Variants in NRXN1 observed in about 807,000 individuals in gnomAD.
The protein encoded by NRXN1 is neurexin 1, also known as neurexin-1.
A neutral mutation model predicts 150.9 loss-of-function variants in NRXN1; 39 were observed. That is an observed-to-expected ratio of 0.26 (90% CI 0.20 to 0.34). The LOEUF (loss-of-function observed/expected upper bound fraction) is 0.34. Among genes scored for constraint, NRXN1 ranks in the 10% least tolerant of loss-of-function variants. The pLI, the probability that NRXN1 is intolerant of heterozygous loss-of-function variation, is 1.00. For synonymous variants in NRXN1, 924 were observed against 757.0 expected, an observed-to-expected ratio of 1.22 and a Z score of -3.62; for missense variants, 1,815 against 1,949.9, an observed-to-expected ratio of 0.93 and a Z score of 1.30.
chr2:50,258,825 T>C (rs1239021506), intron 17 of NRXN1, among the ~76,000 whole-genome samples: 1 of 152,050 alleles, frequency 6.6e-6, no homozygotes, highest in Non-Finnish European at 1.5e-5. Context: ...GATAAAATTA[T>C]ATTAATCCCC....
intron 2 of NRXN1, among the ~76,000 whole-genome samples, chr2:50,935,160 CTTA>C (rs1246320759): frequency 6.6e-6 from 1 of 152,154 alleles, no homozygotes; most frequent in East Asian, 1.9e-4. Context: ...ATCCTACTAT[CTTA>C]TATAATGTAT....
At chr2:50,609,193 T>C (rs1276994362) in intron 8 of NRXN1, among the ~76,000 whole-genome samples, 1 of 152,160 alleles carries the variant, frequency 6.6e-6, no homozygotes, top group Non-Finnish European at 1.5e-5. Flanking sequence ...AAACAACTTT[T>C]AATATGAGAC....
chr2:50,436,994 T>C (rs2085505010), intron 17 of NRXN1, among the ~76,000 whole-genome samples: 1 of 152,158 alleles, frequency 6.6e-6, no homozygotes, highest in Non-Finnish European at 1.5e-5. Context: ...GCAAATTATT[T>C]ACTGCAGGTA....
chr2:50,820,762 C>T (rs1463744644), intron 5 of NRXN1, among the ~76,000 whole-genome samples: 2 of 151,996 alleles, frequency 1.3e-5, no homozygotes, highest in Non-Finnish European at 2.9e-5. Context: ...TTCCAGTTTC[C>T]AGATGTCGCC....
At chr2:50,931,269 T>G (rs1298489521) in intron 2 of NRXN1, among the ~76,000 whole-genome samples, 2 of 152,072 alleles carry the variant, frequency 1.3e-5, no homozygotes, top group African/African-American at 4.8e-5. Flanking sequence ...AACTAAATAT[T>G]AAAATACTCT....
intron 5 of NRXN1, among the ~76,000 whole-genome samples, chr2:50,644,868 T>TA (rs200943916): frequency 6.7e-6 from 1 of 149,262 alleles, no homozygotes; most frequent in Non-Finnish European, 1.5e-5. Context: ...GATATATAAA[T>TA]AAAAAATGTA....
intron 11 of NRXN1, 91 bp downstream of exon 11, chr2:50,531,136 C>A: frequency 2.9e-6 from 3 of 1,023,920 alleles, no homozygotes; most frequent in Non-Finnish European, 4.4e-6. Flanking sequence ...TTTAATTTTC[C>A]ATGGCAAACA....
intron 17 of NRXN1, among the ~76,000 whole-genome samples, chr2:50,353,367 T>C (rs939990771): frequency 6.6e-6 from 1 of 152,128 alleles, no homozygotes; most frequent in Non-Finnish European, 1.5e-5. Flanking sequence ...GTTTGTAGAA[T>C]TGTTTCAACC....
chr2:50,613,180 T>G (rs1678472316), intron 8 of NRXN1, among the ~76,000 whole-genome samples: 1 of 152,180 alleles, frequency 6.6e-6, no homozygotes, highest in Non-Finnish European at 1.5e-5. Flanking sequence ...CCTGAACTTC[T>G]GCCAAAAACA....
chr2:50,982,516 T>C (rs1285003116), intron 2 of NRXN1, among the ~76,000 whole-genome samples: 1 of 152,126 alleles, frequency 6.6e-6, no homozygotes, highest in Non-Finnish European at 1.5e-5. Flanking sequence ...TAACACAGCA[T>C]ATTACATATA....
chr2:50,910,131 A>G (rs1684316950), intron 5 of NRXN1, among the ~76,000 whole-genome samples: 1 of 151,966 alleles, frequency 6.6e-6, no homozygotes, highest in African/African-American at 2.4e-5. Context: ...TTCCTTTCTC[A>G]ACATTTGGGA....
chr2:50,010,872 T>C (rs904879093), intron 21 of NRXN1, among the ~76,000 whole-genome samples: 1 of 152,176 alleles, frequency 6.6e-6, no homozygotes, highest in East Asian at 1.9e-4. Context: ...ATGCTAATTA[T>C]AAAGTTTTTA....
intron 15 of NRXN1, among the ~76,000 whole-genome samples, chr2:50,492,977 G>A (rs1321680309): frequency 6.6e-6 from 1 of 152,132 alleles, no homozygotes; most frequent in Non-Finnish European, 1.5e-5. Flanking sequence ...TGGTTGGTCT[G>A]AGATAGGATC....
chr2:50,797,533 A>T (rs1351169327), intron 5 of NRXN1, among the ~76,000 whole-genome samples: 3 of 152,118 alleles, frequency 2.0e-5, no homozygotes, highest in Admixed American at 6.6e-5. Flanking sequence ...AATACTGAAA[A>T]ACACGGAGCT....
At chr2:50,823,188 G>A (rs1017921524) in intron 5 of NRXN1, among the ~76,000 whole-genome samples, 4 of 152,060 alleles carry the variant, frequency 2.6e-5, no homozygotes, top group African/African-American at 9.7e-5. Context: ...TCCTTCAAAT[G>A]TTATTAAGTT....
intron 18 of NRXN1, among the ~76,000 whole-genome samples, chr2:50,109,915 A>C (rs1305815584): frequency 6.6e-6 from 1 of 152,222 alleles, no homozygotes; most frequent in East Asian, 1.9e-4. Flanking sequence ...AAGACGGTCT[A>C]GAACACAAAG....
At chr2:50,363,098 G>A (rs2351514) in intron 17 of NRXN1, among the ~76,000 whole-genome samples, 33,989 of 152,066 alleles carry the variant, frequency 0.22, 4,220 homozygotes, top group East Asian at 0.42. Context: ...ACTTGATATG[G>A]ATTAAAGATT....
rs70958638 is a variant in NRXN1 at position 51,017,503 on chromosome 2, C to CTTTT, written c.772+9995_772+9998dup. On this transcript the variant is annotated intron_variant, in intron 2 of 22. Coordinates refer to ENST00000401669, the MANE Select transcript of NRXN1 (RefSeq NM_001330078.2). ...ATACACGTATGGCCACCACATCTGG[C>CTTTT]TTTTTTTTTTTTTTTTTTTTTTTTT... is the stretch of plus-strand genomic sequence containing the variant. Among the ~76,000 whole-genome samples the CTTTT allele has an allele frequency of 1.4e-4, 6 of 44,302 alleles. 1 individual carries two copies. Among genetic ancestry groups the CTTTT allele is most frequent in the East Asian group, 7.3e-4 (1 of 1,376 alleles). 29.1% of individuals were successfully genotyped at this position (44,302 alleles called of 152,430 possible).
intron 5 of NRXN1, among the ~76,000 whole-genome samples, chr2:50,837,786 T>G (rs971297543): frequency 6.6e-6 from 1 of 152,122 alleles, no homozygotes; most frequent in Non-Finnish European, 1.5e-5. Flanking sequence ...GAAATGTGCT[T>G]GACATTCATG....
Sources: gnomAD v4.1 joint callset for allele counts (sites outside exome capture counted in the v4.1 genomes callset) on GRCh38, gnomAD v4.1.1 for gene constraint, MANE v1.5 for transcripts, NCBI Gene and HGNC (gene_info 2026-07-23, HGNC 2026-07-21) for gene names.